Variants in CAPN13 observed in about 807,000 individuals in gnomAD.
The protein encoded by CAPN13 is calpain-13.
A neutral mutation model predicts 98.4 loss-of-function variants in CAPN13; 90 were observed. That is an observed-to-expected ratio of 0.92 (90% CI 0.77 to 1.09). CAPN13 has a LOEUF of 1.09. Among genes scored for constraint, CAPN13 ranks in the 50% least tolerant of loss-of-function variants. CAPN13 has a pLI of 0.00. For missense variants in CAPN13, 887 were observed against 841.3 expected (o/e 1.05, Z -0.67); for synonymous variants, 330 against 305.5 (o/e 1.08, Z -0.84).
intron 22 of CAPN13, among the ~76,000 whole-genome samples, chr2:30,725,022 T>G (rs886260796): frequency 2.0e-5 from 3 of 152,174 alleles, no homozygotes; most frequent in African/African-American, 7.2e-5. Flanking sequence ...CAGTGGGAAA[T>G]TGTTATAAAT....
At chr2:30,801,702 A>G (rs1417720086) in intron 1 of CAPN13, among the ~76,000 whole-genome samples, 1 of 151,884 alleles carries the variant, frequency 6.6e-6, no homozygotes, top group Non-Finnish European at 1.5e-5. Flanking sequence ...ACAAAGAGAA[A>G]GTCAAAGACT....
intron 2 of CAPN13, among the ~76,000 whole-genome samples, chr2:30,782,662 C>T (rs1490376328): frequency 3.3e-5 from 5 of 152,188 alleles, no homozygotes; most frequent in African/African-American, 4.8e-5. Flanking sequence ...TGGCCACAGG[C>T]GGGAAGCCAC....
intron 1 of CAPN13, among the ~76,000 whole-genome samples, chr2:30,796,389 T>C (rs1460577093): frequency 6.6e-6 from 1 of 152,004 alleles, no homozygotes; most frequent in Non-Finnish European, 1.5e-5. Context: ...GAATACAGTG[T>C]AGTAAATAGA....
At chr2:30,787,397 C>G in intron 1 of CAPN13, 40 bp from the exon 2 acceptor site, 1 of 1,455,110 alleles carries the variant, frequency 6.9e-7, no homozygotes, top group Non-Finnish European at 9.2e-7. Context: ...GGTAAGCCAT[C>G]AAGTCCTTTG....
At chr2:30,787,419 G>A in intron 1 of CAPN13, 62 bp from the exon 2 acceptor site, 1 of 1,306,484 alleles carries the variant, frequency 7.7e-7, no homozygotes, top group Non-Finnish European at 1.0e-6. Context: ...ATCATCAAAT[G>A]TGAGCCCCAG....
chr2:30,739,609 C>T (rs1285608102), intron 15 of CAPN13, among the ~76,000 whole-genome samples: 1 of 152,158 alleles, frequency 6.6e-6, no homozygotes, highest in Non-Finnish European at 1.5e-5. Flanking sequence ...CTTCCAGAGA[C>T]TCAGGACACC....
At chr2:30,768,814 A>G (rs1673239431) in intron 5 of CAPN13, among the ~76,000 whole-genome samples, 1 of 152,104 alleles carries the variant, frequency 6.6e-6, no homozygotes, top group Admixed American at 6.5e-5. Context: ...TGCTGGGCAC[A>G]GAGTTTCCAT....
intron 13 of CAPN13, 82 bp downstream of exon 13, chr2:30,743,301 C>T: frequency 6.4e-6 from 8 of 1,257,706 alleles, no homozygotes; most frequent in South Asian, 1.2e-5. Context: ...CACGAATGCA[C>T]AGAGAACTGC....
chr2:30,800,102 GAAAGAAAAGAAAGA>G (rs1675114869), intron 1 of CAPN13, among the ~76,000 whole-genome samples: 1 of 123,276 alleles, frequency 8.1e-6, no homozygotes, highest in Admixed American at 8.9e-5. Flanking sequence ...AGAAAAGAAA[GAAAGAAAAGAAAGA>G]AAAGAAAGAA....
chr2:30,786,277 C>T (rs982812384), intron 2 of CAPN13, among the ~76,000 whole-genome samples: 1 of 152,138 alleles, frequency 6.6e-6, no homozygotes, highest in South Asian at 2.1e-4. Context: ...ACTAGACATT[C>T]TATTATTTTA....
intron 2 of CAPN13, among the ~76,000 whole-genome samples, chr2:30,785,522 C>A (rs868659434): frequency 6.6e-6 from 1 of 152,178 alleles, no homozygotes; most frequent in Non-Finnish European, 1.5e-5. Flanking sequence ...ATGGGAAAAG[C>A]AGATTCGGCC....
At chr2:30,749,264 T>C (rs1672061379) in intron 11 of CAPN13, among the ~76,000 whole-genome samples, 2 of 152,256 alleles carry the variant, frequency 1.3e-5, no homozygotes, top group East Asian at 3.8e-4. Context: ...TGGAGCATTT[T>C]GGATTTTGAA....
intron 9 of CAPN13, among the ~76,000 whole-genome samples, chr2:30,753,999 A>T (rs1485587126): frequency 1.3e-5 from 2 of 152,212 alleles, no homozygotes; most frequent in Non-Finnish European, 2.9e-5. Context: ...CATGCATCCT[A>T]GCTTCCAGGA....
intron 7 of CAPN13, 150 bp from the exon 8 acceptor site, chr2:30,758,287 A>T: frequency 1.7e-6 from 1 of 603,454 alleles, no homozygotes; most frequent in Non-Finnish European, 2.9e-6. Context: ...AGGGAAAAAA[A>T]AATCAATGTC....
chr2:30,789,562 C>T (rs1674499005), intron 1 of CAPN13, among the ~76,000 whole-genome samples: 1 of 152,170 alleles, frequency 6.6e-6, no homozygotes, highest in Non-Finnish European at 1.5e-5. Flanking sequence ...TGGGGGGCCC[C>T]CACTGTGCAC....
chr2:30,774,321 C>T (rs1673569214), intron 4 of CAPN13, among the ~76,000 whole-genome samples: 1 of 151,578 alleles, frequency 6.6e-6, no homozygotes, highest in Non-Finnish European at 1.5e-5. Flanking sequence ...GTAAACAAAA[C>T]CTCAAAAGAA....
In CAPN13 at chr2:30,722,825, A is replaced by C. The variant is rs1670738806; in HGVS notation, c.*442T>G. 6.6e-6 allele frequency: 1 copy of C among 152,250 alleles called. No homozygotes were observed. Among genetic ancestry groups the C allele is most frequent in the African/African-American group, 2.4e-5 (1 of 41,458 alleles). The allele number at this position is 152,250 out of a possible 1,614,324, so 9.4% of individuals were successfully genotyped here. ...TTTAGCTGTGAAATCATCAGGATCC[A>C]GACATAAGATAGTGTAATTATTCTG... On this transcript the variant is annotated 3_prime_UTR_variant, in exon 23 of 23. Transcript: ENST00000295055.
Position 30,751,013 on chromosome 2 carries a change from A to C in CAPN13, c.1236+90T>G, listed in dbSNP as rs150389757. ...TTATCTCCAAGGCTGTGGTGCAGTC[A>C]AATCTCCCAGCCTGGCCAGAGCTGT... is the stretch of plus-strand genomic sequence containing the variant. On this transcript the variant is annotated intron_variant, in intron 11 of 22. Coordinates refer to ENST00000295055, the MANE Select transcript of CAPN13 (RefSeq NM_144575.3). 1,347 of 1,436,848 alleles carry C rather than the reference A, an allele frequency of 9.4e-4. 16 individuals are homozygous for C. The African/African-American group carries it at 0.016, about 17-fold the overall frequency. The allele number at this position is 1,436,848 out of a possible 1,614,324, so 89.0% of individuals were successfully genotyped here.
At chr2:30,794,025 G>C (rs1200117621) in intron 1 of CAPN13, among the ~76,000 whole-genome samples, 1 of 150,982 alleles carries the variant, frequency 6.6e-6, no homozygotes, top group Non-Finnish European at 1.5e-5. Context: ...GTTTTTGATA[G>C]AATACAAAAA....
Sources: gnomAD v4.1 joint callset for allele counts (sites outside exome capture counted in the v4.1 genomes callset) on GRCh38, gnomAD v4.1.1 for gene constraint, MANE v1.5 for transcripts, NCBI Gene and HGNC (gene_info 2026-07-23, HGNC 2026-07-21) for gene names.